Variants in CAMSAP2 observed in about 807,000 individuals in gnomAD.
CAMSAP2 encodes calmodulin regulated spectrin associated protein family member 2, also known as calmodulin-regulated spectrin-associated protein 2.
CAMSAP2 carries 26 observed loss-of-function variants against 146.1 expected under a neutral mutation model. The observed-to-expected ratio is 0.18, with a 90% confidence interval of 0.13 to 0.25. The LOEUF is 0.25. Among genes scored for constraint, CAMSAP2 ranks in the 10% least tolerant of loss-of-function variants. CAMSAP2 has a pLI of 1.00. For missense variants in CAMSAP2, 1,381 were observed against 1,759.3 expected, an observed-to-expected ratio of 0.78 and a Z score of 3.85; for synonymous variants, 499 against 596.6, an observed-to-expected ratio of 0.84 and a Z score of 2.38.
intron 11 of CAMSAP2, among the ~76,000 whole-genome samples, chr1:200,851,627 C>G (rs939912228): frequency 1.3e-5 from 2 of 152,150 alleles, no homozygotes; most frequent in Admixed American, 1.3e-4. Flanking sequence ...TTTCTCCATT[C>G]AGAGTTAAAT....
intron 4 of CAMSAP2, among the ~76,000 whole-genome samples, chr1:200,820,324 G>A (rs1666716289): frequency 6.6e-6 from 1 of 152,060 alleles, no homozygotes; most frequent in Admixed American, 6.6e-5. Context: ...CCAAAGTGCT[G>A]GGATTATAGG....
At chr1:200,779,661 G>C (rs1049679344) in intron 2 of CAMSAP2, among the ~76,000 whole-genome samples, 1 of 152,170 alleles carries the variant, frequency 6.6e-6, no homozygotes, top group Non-Finnish European at 1.5e-5. Context: ...ACTGTGGAGG[G>C]TAGTCAAAGG....
chr1:200,831,184 G>A lies in CAMSAP2; in HGVS notation c.646-1016G>A, dbSNP rs190644711. ...TATTTTGCTAGCAAAATACTTTCGT[G>A]TGTACATTCACTAAATCTTCAGCAT... On this transcript the variant is annotated intron_variant, in intron 4 of 16. Coordinates refer to ENST00000358823, the MANE Select transcript of CAMSAP2 (RefSeq NM_203459.4). Among the ~76,000 whole-genome samples, 578 of 152,204 alleles carry A rather than the reference G, an allele frequency of 3.8e-3. 4 individuals are homozygous for A. Among genetic ancestry groups the A allele is most frequent in the African/African-American group, 0.013 (557 of 41,518 alleles).
At chr1:200,807,810 G>A (rs539275379) in intron 3 of CAMSAP2, among the ~76,000 whole-genome samples, 11 of 146,364 alleles carry the variant, frequency 7.5e-5, no homozygotes, top group African/African-American at 2.0e-4. Context: ...GCATGATCTC[G>A]GCTCACTGCA....
At chr1:200,755,050 C>T (rs1355492386) in intron 1 of CAMSAP2, among the ~76,000 whole-genome samples, 2 of 152,150 alleles carry the variant, frequency 1.3e-5, no homozygotes, top group Non-Finnish European at 2.9e-5. Flanking sequence ...TGACATGGCT[C>T]CATTATTTGT....
intron 1 of CAMSAP2, among the ~76,000 whole-genome samples, chr1:200,741,935 C>G (rs1664190767): frequency 6.6e-6 from 1 of 152,200 alleles, no homozygotes; most frequent in African/African-American, 2.4e-5. Flanking sequence ...TTCCTACTAT[C>G]ACAGTGTTAG....
chr1:200,746,892 A>C (rs1003805011), intron 1 of CAMSAP2, among the ~76,000 whole-genome samples: 1 of 152,008 alleles, frequency 6.6e-6, no homozygotes, highest in Non-Finnish European at 1.5e-5. Context: ...TGCTGGGATT[A>C]CAGGCGTGAG....
chr1:200,747,241 C>A (rs1315302203), intron 1 of CAMSAP2, among the ~76,000 whole-genome samples: 3 of 151,986 alleles, frequency 2.0e-5, no homozygotes, highest in African/African-American at 7.3e-5. Context: ...AAAGAAAGGA[C>A]CCAAGACAGG....
At chr1:200,798,236 G>T (rs1241233861) in intron 2 of CAMSAP2, among the ~76,000 whole-genome samples, 6 of 146,686 alleles carry the variant, frequency 4.1e-5, no homozygotes, top group African/African-American at 1.6e-4. Context: ...GGATGGCATT[G>T]AATCTATAAA....
chr1:200,842,126 G>GA lies in CAMSAP2; in HGVS notation c.1021+46dup, dbSNP rs750765990. 46 of 1,418,514 alleles carry GA rather than the reference G, an allele frequency of 3.2e-5. 1 individual carries two copies. The highest frequency in any genetic ancestry group is 2.2e-4 in the South Asian group (19 of 85,396). 87.9% of individuals were successfully genotyped at this position (1,418,514 alleles called of 1,614,324 possible). On this transcript the variant is annotated intron_variant, in intron 7 of 16. Coordinates refer to ENST00000358823, the MANE Select transcript of CAMSAP2 (RefSeq NM_203459.4). Reference sequence around the variant, plus strand: ...TTAATTTTAAATGTTCCTATGAACAGAAAAAAATGGAATGTTGATATAACC... The same window carrying GA: ...TTAATTTTAAATGTTCCTATGAACAGAAAAAAAATGGAATGTTGATATAACC...
intron 4 of CAMSAP2, among the ~76,000 whole-genome samples, chr1:200,821,515 C>CT (rs1666764343): frequency 6.6e-6 from 1 of 151,940 alleles, no homozygotes; most frequent in South Asian, 2.1e-4. Context: ...TCTTCTTCTT[C>CT]TTTTTTTTAA....
intron 2 of CAMSAP2, among the ~76,000 whole-genome samples, chr1:200,773,077 T>C (rs1424952948): frequency 1.3e-5 from 2 of 152,146 alleles, no homozygotes; most frequent in African/African-American, 2.4e-5. Context: ...TTTTGAATAG[T>C]GGAAGTTTTA....
intron 2 of CAMSAP2, among the ~76,000 whole-genome samples, chr1:200,806,952 T>C (rs1347414071): frequency 6.6e-6 from 1 of 152,128 alleles, no homozygotes; most frequent in Non-Finnish European, 1.5e-5. Context: ...GGGTCTGAAT[T>C]GGAACTGTGA....
chr1:200,780,278 G>A (rs1463801938), intron 2 of CAMSAP2, among the ~76,000 whole-genome samples: 1 of 152,186 alleles, frequency 6.6e-6, no homozygotes, highest in African/African-American at 2.4e-5. Context: ...TATGTGGGCA[G>A]TACTTGTCAA....
chr1:200,846,888 A>G (rs534589295), intron 8 of CAMSAP2, among the ~76,000 whole-genome samples: 1 of 152,318 alleles, frequency 6.6e-6, no homozygotes, highest in East Asian at 1.9e-4. Flanking sequence ...AGATTTGACC[A>G]AAGTATTTCA....
At chr1:200,844,610 TAAAG>T (rs1667413793) in intron 7 of CAMSAP2, among the ~76,000 whole-genome samples, 168 bp from the exon 8 acceptor site, 1 of 152,164 alleles carries the variant, frequency 6.6e-6, no homozygotes, top group African/African-American at 2.4e-5. Flanking sequence ...AAAAAGATCT[TAAAG>T]AAACTTGACC....
chr1:200,819,983 T>C (rs1300416957), intron 4 of CAMSAP2, among the ~76,000 whole-genome samples: 1 of 152,092 alleles, frequency 6.6e-6, no homozygotes, highest in Non-Finnish European at 1.5e-5. Flanking sequence ...GCAGAATCAG[T>C]TTTGAAAGAG....
chr1:200,825,720 C>T (rs1179404645), intron 4 of CAMSAP2, among the ~76,000 whole-genome samples: 1 of 152,062 alleles, frequency 6.6e-6, no homozygotes, highest in Non-Finnish European at 1.5e-5. Flanking sequence ...GTTGGCCAGG[C>T]TGGTCTCGAC....
Position 200,840,183 on chromosome 1 carries a change from C to G in CAMSAP2, c.928-1811C>G, listed in dbSNP as rs182432422. Among the ~76,000 whole-genome samples the G allele has an allele frequency of 2.4e-3, 373 of 152,296 alleles. 2 individuals carry two copies. Among genetic ancestry groups the G allele is most frequent in the Non-Finnish European group, 4.0e-3 (275 of 68,016 alleles). The stretch of plus-strand genomic sequence containing the variant: ...ACATCTCAAACAATGACTCTAGATT[C>G]CTTTCATTACCTGTTTCTCCCAGTC... On this transcript the variant is annotated intron_variant, in intron 6 of 16. Coordinates refer to ENST00000358823, the MANE Select transcript of CAMSAP2 (RefSeq NM_203459.4).
Sources: gnomAD v4.1 joint callset for allele counts (sites outside exome capture counted in the v4.1 genomes callset) on GRCh38, gnomAD v4.1.1 for gene constraint, MANE v1.5 for transcripts, NCBI Gene and HGNC (gene_info 2026-07-23, HGNC 2026-07-21) for gene names.